The following BACH2 variants were observed in gnomAD, a reference collection of about 807,000 sequenced individuals.
The protein encoded by BACH2 is transcription regulator protein BACH2.
In BACH2, 5 loss-of-function variants were observed where a neutral mutation model predicts 61.8. The ratio of observed to expected loss-of-function variants is 0.08; its 90% CI spans 0.04 to 0.17. BACH2 has a LOEUF of 0.17. BACH2 is among the 10% of genes least tolerant of loss of function. The pLI is 1.00. For synonymous variants in BACH2, 446 were observed against 440.1 expected (o/e 1.01, Z -0.17); for missense variants, 824 against 1,091.1 (o/e 0.76, Z 3.45).
At chr6:90,095,069 A>C (rs1240276759) in intron 4 of BACH2, among the ~76,000 whole-genome samples, 8 of 152,234 alleles carry the variant, frequency 5.3e-5, no homozygotes, top group Admixed American at 4.6e-4. Context: ...ATCTGATGAC[A>C]GCTTTGGTAA....
intron 5 of BACH2, among the ~76,000 whole-genome samples, chr6:90,057,571 C>T (rs1562407825): frequency 1.3e-5 from 2 of 152,186 alleles, no homozygotes. Flanking sequence ...ACCATTCCTT[C>T]TGAAACTATT....
chr6:90,031,875 A>G (rs998800504), intron 5 of BACH2, among the ~76,000 whole-genome samples: 2 of 152,136 alleles, frequency 1.3e-5, no homozygotes, highest in African/African-American at 2.4e-5. Context: ...ATACGGAAAC[A>G]AAAAAAGAGC....
chr6:90,291,546 C>A (rs1582572853), intron 1 of BACH2, among the ~76,000 whole-genome samples: 1 of 120,096 alleles, frequency 8.3e-6, no homozygotes. Context: ...AGACCCTGAA[C>A]TGACAAAAAA....
intron 5 of BACH2, among the ~76,000 whole-genome samples, chr6:90,025,808 T>A (rs1214007493): frequency 6.6e-6 from 1 of 152,202 alleles, no homozygotes; most frequent in African/African-American, 2.4e-5. Context: ...CTCAGAGCAA[T>A]CTTCAGTCTG....
At chr6:90,084,952 C>T (rs926250115) in intron 5 of BACH2, among the ~76,000 whole-genome samples, 2 of 152,146 alleles carry the variant, frequency 1.3e-5, no homozygotes, top group South Asian at 2.1e-4. Context: ...GTGAAGACGA[C>T]CTGAATAAAG....
At chr6:90,184,578 G>A (rs558427680) in intron 4 of BACH2, among the ~76,000 whole-genome samples, 3 of 152,282 alleles carry the variant, frequency 2.0e-5, no homozygotes, top group African/African-American at 4.8e-5. Flanking sequence ...GCAGGCTCCC[G>A]GGGGAAGTGG....
At chr6:90,032,035 C>T (rs552303310) in intron 5 of BACH2, among the ~76,000 whole-genome samples, 1 of 152,110 alleles carries the variant, frequency 6.6e-6, no homozygotes, top group Non-Finnish European at 1.5e-5. Flanking sequence ...AGAACAGAGT[C>T]CTCAGAAATA....
intron 4 of BACH2, among the ~76,000 whole-genome samples, chr6:90,148,254 G>A (rs530307916): frequency 1.4e-4 from 21 of 152,198 alleles, no homozygotes; most frequent in African/African-American, 4.1e-4. Context: ...TTTCTCTCCC[G>A]TACCCAAGTA....
At chr6:90,058,824 T>G (rs1780519248) in intron 5 of BACH2, among the ~76,000 whole-genome samples, 1 of 152,112 alleles carries the variant, frequency 6.6e-6, no homozygotes, top group Non-Finnish European at 1.5e-5. Flanking sequence ...ATGCCGCATA[T>G]CTACAACTAT....
intron 2 of BACH2, among the ~76,000 whole-genome samples, chr6:90,259,999 C>A (rs943939509): frequency 5.9e-5 from 9 of 151,664 alleles, no homozygotes; most frequent in African/African-American, 1.9e-4. Context: ...TAAAAAAAAA[C>A]CCAACTCTTA....
rs117497793 is a variant in BACH2 at position 90,255,526 on chromosome 6, C to T, written c.-352-2936G>A. ...CAGAGGAGATGGCATTTGAGTTGGGCCTGAGAGGACAGGTTGTCCAGGATT... is the reference window on the plus strand; with the variant it reads ...CAGAGGAGATGGCATTTGAGTTGGGTCTGAGAGGACAGGTTGTCCAGGATT... On this transcript the variant is annotated intron_variant, in intron 2 of 8. Transcript: ENST00000257749. Among the ~76,000 whole-genome samples, 310 of 152,042 alleles carry T rather than the reference C, an allele frequency of 2.0e-3. 1 individual carries two copies. The highest frequency in any genetic ancestry group is 2.2e-3 in the Non-Finnish European group (150 of 67,992).
chr6:90,057,095 T>C (rs183863974), intron 5 of BACH2, among the ~76,000 whole-genome samples: 1 of 152,162 alleles, frequency 6.6e-6, no homozygotes, highest in African/African-American at 2.4e-5. Context: ...ATTCAAAAGC[T>C]AGCAGAAGGC....
chr6:90,264,552 T>C (rs1771264928), intron 2 of BACH2, among the ~76,000 whole-genome samples: 1 of 152,218 alleles, frequency 6.6e-6, no homozygotes, highest in Non-Finnish European at 1.5e-5. Flanking sequence ...AAATTGTAAA[T>C]GCATTTCTTG....
chr6:90,256,402 T>TC (rs973381813), intron 2 of BACH2, among the ~76,000 whole-genome samples: 2 of 152,110 alleles, frequency 1.3e-5, no homozygotes, highest in African/African-American at 4.8e-5. Context: ...GCCATGTTTT[T>TC]CCCCCTCTCT....
At chr6:90,120,297 T>A (rs1049453846) in intron 4 of BACH2, among the ~76,000 whole-genome samples, 2 of 152,320 alleles carry the variant, frequency 1.3e-5, no homozygotes, top group African/African-American at 4.8e-5. Context: ...TCTTTATTCA[T>A]AGAACATGAG....
At chr6:89,995,462 C>T (rs1040979971) in intron 6 of BACH2, among the ~76,000 whole-genome samples, 3 of 152,162 alleles carry the variant, frequency 2.0e-5, no homozygotes, top group Admixed American at 2.0e-4. Flanking sequence ...CAGAAGATAC[C>T]TAACACCTGG....
chr6:89,999,495 G>A (rs192273835), intron 6 of BACH2, among the ~76,000 whole-genome samples: 2 of 151,268 alleles, frequency 1.3e-5, no homozygotes, highest in East Asian at 1.9e-4. Flanking sequence ...TGGATGGGAA[G>A]TAGAAATAAT....
intron 1 of BACH2, among the ~76,000 whole-genome samples, chr6:90,282,895 TA>T (rs1241163559): frequency 1.3e-5 from 2 of 152,264 alleles, no homozygotes; most frequent in African/African-American, 4.8e-5. Flanking sequence ...GGCTGTGTTG[TA>T]AGTTATTTGC....
chr6:90,011,932 ATGTGTGTGTGTGTGTGTGTG>A (rs71027919), intron 5 of BACH2, among the ~76,000 whole-genome samples: 2 of 114,280 alleles, frequency 1.8e-5, no homozygotes, highest in Non-Finnish European at 3.4e-5. Flanking sequence ...AAAAAAAAAT[ATGTGTGTGTGTGTGTGTGTG>A]TGTGTGTGTG....
Sources: gnomAD v4.1 joint callset for allele counts (sites outside exome capture counted in the v4.1 genomes callset) on GRCh38, gnomAD v4.1.1 for gene constraint, MANE v1.5 for transcripts, NCBI Gene and HGNC (gene_info 2026-07-23, HGNC 2026-07-21) for gene names.